SDK1: variants seen among roughly 807,000 people sequenced by gnomAD.
The protein encoded by SDK1 is sidekick cell adhesion molecule 1, also known as protein sidekick-1.
A neutral mutation model predicts 245.5 loss-of-function variants in SDK1; 157 were observed. That is an observed-to-expected ratio of 0.64 (90% CI 0.56 to 0.73). The LOEUF (loss-of-function observed/expected upper bound fraction) is 0.73, where lower values mean the gene tolerates loss of function less well. SDK1 is among the 30% of genes least tolerant of loss of function. The pLI is 0.00. For missense variants in SDK1, 3,583 were observed against 3,002.3 expected, an observed-to-expected ratio of 1.19 and a Z score of -4.52; for synonymous variants, 1,647 against 1,278.5, an observed-to-expected ratio of 1.29 and a Z score of -6.15.
Position 3,690,254 on chromosome 7 carries a change from C to T in SDK1, c.713+48149C>T, listed in dbSNP as rs1437591415. On this transcript the variant is annotated intron_variant, in intron 4 of 44. Coordinates refer to ENST00000404826, the MANE Select transcript of SDK1 (RefSeq NM_152744.4). ...TTGAATTTCCACATGACGATTAGCA[C>T]AAATCCAGAACTAAATGACAGGTTA... 6.6e-5 allele frequency among the ~76,000 whole-genome samples: 10 copies of T among 152,248 alleles called. No homozygotes were observed. The East Asian group carries it at 1.7e-3, about 26-fold the overall frequency.
At chr7:3,394,659 A>G (rs1486904394) in intron 1 of SDK1, among the ~76,000 whole-genome samples, 2 of 152,072 alleles carry the variant, frequency 1.3e-5, no homozygotes, top group Non-Finnish European at 2.9e-5. Context: ...TAAATATTGA[A>G]TGTCTCATCA....
intron 2 of SDK1, among the ~76,000 whole-genome samples, chr7:3,629,303 A>C (rs796670229): frequency 1.3e-5 from 2 of 148,896 alleles, no homozygotes. Context: ...TCAGTCTCAA[A>C]AAAAAAAAGA....
intron 4 of SDK1, among the ~76,000 whole-genome samples, chr7:3,664,163 G>A (rs1017714447): frequency 2.6e-5 from 4 of 152,056 alleles, no homozygotes; most frequent in African/African-American, 9.7e-5. Flanking sequence ...TTTCTTCTTG[G>A]TGGAATGCTT....
chr7:3,640,977 C>G (rs1255753214), intron 3 of SDK1, among the ~76,000 whole-genome samples: 1 of 151,994 alleles, frequency 6.6e-6, no homozygotes, highest in Non-Finnish European at 1.5e-5. Context: ...CCACTGTGCT[C>G]TGCGTTTAGA....
intron 1 of SDK1, among the ~76,000 whole-genome samples, chr7:3,331,029 GC>G (rs1235514968): frequency 6.6e-6 from 1 of 152,044 alleles, no homozygotes; most frequent in Non-Finnish European, 1.5e-5. Flanking sequence ...ACTTTGGGAG[GC>G]CAAGGCAGGT....
rs868627873 is a variant in SDK1 at position 3,375,104 on chromosome 7, A to G, written c.298+73220A>G. 7.2e-5 allele frequency among the ~76,000 whole-genome samples: 11 copies of G among 152,250 alleles called. 1 individual carries two copies. Among genetic ancestry groups the G allele is most frequent in the Middle Eastern group, 6.8e-3 (2 of 294 alleles). Reference sequence around the variant, plus strand: ...AATGATGCTGCATACGCATTTTCCGATAGTGTCTACCACGGTTTATCACAG... The same window carrying G: ...AATGATGCTGCATACGCATTTTCCGGTAGTGTCTACCACGGTTTATCACAG... On this transcript the variant is annotated intron_variant, in intron 1 of 44. Coordinates refer to ENST00000404826, the MANE Select transcript of SDK1 (RefSeq NM_152744.4).
chr7:3,707,833 G>T (rs1011406436), intron 4 of SDK1, among the ~76,000 whole-genome samples: 7 of 151,710 alleles, frequency 4.6e-5, no homozygotes, highest in South Asian at 2.1e-4. Context: ...CTTTACTGTT[G>T]TTGCTTTAAA....
intron 4 of SDK1, among the ~76,000 whole-genome samples, chr7:3,804,042 G>A (rs1002265704): frequency 1.3e-5 from 2 of 152,148 alleles, no homozygotes; most frequent in Admixed American, 6.5e-5. Context: ...GGGATTACAG[G>A]CATGAGCCAC....
intron 1 of SDK1, among the ~76,000 whole-genome samples, chr7:3,353,696 C>T (rs1188595710): frequency 1.3e-5 from 2 of 152,146 alleles, no homozygotes; most frequent in Non-Finnish European, 2.9e-5. Flanking sequence ...TGAATAGAAA[C>T]TATTGATGAC....
chr7:4,050,939 C>A (rs1385618553), intron 18 of SDK1, among the ~76,000 whole-genome samples: 4 of 138,186 alleles, frequency 2.9e-5, no homozygotes, highest in Non-Finnish European at 6.1e-5. Flanking sequence ...TACATACATA[C>A]TATACGTATA....
chr7:3,301,688 C>T lies in SDK1; in HGVS notation c.102C>T (p.Gly34=). 2 of 973,942 alleles carry T rather than the reference C, an allele frequency of 2.1e-6. No homozygotes were observed. Among genetic ancestry groups the T allele is most frequent in the Non-Finnish European group, 2.4e-6 (2 of 823,628 alleles). The allele number at this position is 973,942 out of a possible 1,614,324, so 60.3% of individuals were successfully genotyped here. The stretch of plus-strand genomic sequence containing the variant: ...GGCGGCCGCGGGGATCCCCGCCCGG[C>T]CGCGCCCGCCCCTCGCTGGCGCCGC... ...GPGRPRGSPP[G]RARPSLAPRP... is the part of the protein sequence containing the mutation. The change falls in exon 1 of 45, where the codon GGC becomes GGT. Residue 34 remains glycine (G), a synonymous_variant. Coordinates refer to ENST00000404826, the MANE Select transcript of SDK1 (RefSeq NM_152744.4).
chr7:4,003,641 A>C (rs1785240012), intron 14 of SDK1, among the ~76,000 whole-genome samples: 1 of 152,204 alleles, frequency 6.6e-6, no homozygotes, highest in Non-Finnish European at 1.5e-5. Context: ...ATCACATCAC[A>C]TCAAGGGTGA....
At chr7:3,540,691 A>T (rs1779030112) in intron 1 of SDK1, among the ~76,000 whole-genome samples, 1 of 152,214 alleles carries the variant, frequency 6.6e-6, no homozygotes, top group Non-Finnish European at 1.5e-5. Context: ...AGCATGGTGC[A>T]GTCTGTGACA....
chr7:3,740,435 A>C (rs1779445902), intron 4 of SDK1, among the ~76,000 whole-genome samples: 1 of 152,128 alleles, frequency 6.6e-6, no homozygotes, highest in Non-Finnish European at 1.5e-5. Flanking sequence ...GGGAACTGTG[A>C]TATTGAGCAT....
intron 5 of SDK1, among the ~76,000 whole-genome samples, chr7:3,940,539 C>G (rs1780319118): frequency 6.6e-6 from 1 of 152,168 alleles, no homozygotes; most frequent in African/African-American, 2.4e-5. Flanking sequence ...CTCCCTGGGC[C>G]TCCTCTTTAA....
At chr7:3,555,986 A>T (rs985605960) in intron 1 of SDK1, among the ~76,000 whole-genome samples, 3 of 152,198 alleles carry the variant, frequency 2.0e-5, no homozygotes, top group South Asian at 2.1e-4. Flanking sequence ...AATTAGGGAA[A>T]CCACCATGGA....
chr7:3,819,738 T>C (rs756241284), intron 4 of SDK1, among the ~76,000 whole-genome samples: 9 of 152,132 alleles, frequency 5.9e-5, no homozygotes, highest in Admixed American at 2.6e-4. Flanking sequence ...AAGTAAGTCA[T>C]AGAGACCTCA....
intron 5 of SDK1, among the ~76,000 whole-genome samples, chr7:3,843,984 T>C (rs1780218349): frequency 6.6e-6 from 1 of 152,230 alleles, no homozygotes; most frequent in Non-Finnish European, 1.5e-5. Flanking sequence ...TATTTATTTA[T>C]TTATTAGACA....
chr7:3,401,859 A>T (rs1487190050), intron 1 of SDK1, among the ~76,000 whole-genome samples: 1 of 152,142 alleles, frequency 6.6e-6, no homozygotes, highest in Non-Finnish European at 1.5e-5. Flanking sequence ...TAGTTATTAA[A>T]TGTTATCACT....
Sources: gnomAD v4.1 joint callset for allele counts (sites outside exome capture counted in the v4.1 genomes callset) on GRCh38, gnomAD v4.1.1 for gene constraint, MANE v1.5 for transcripts, NCBI Gene and HGNC (gene_info 2026-07-23, HGNC 2026-07-21) for gene names.